PRKG1: variants seen among roughly 807,000 people sequenced by gnomAD.
PRKG1 encodes protein kinase cGMP-dependent 1.
Under a neutral mutation model 88.1 loss-of-function variants are expected in PRKG1, and 35 were observed. The observed-to-expected ratio is 0.40, with a 90% CI of 0.30 to 0.53. The LOEUF is 0.53. Among genes scored for constraint, PRKG1 ranks in the 20% least tolerant of loss-of-function variants. PRKG1 has a pLI of 0.59. For missense variants in PRKG1, 540 were observed against 839.8 expected (o/e 0.64, Z 4.41); for synonymous variants, 303 against 292.5 (o/e 1.04, Z -0.37).
chr10:52,282,014 C>A, intron 13 of PRKG1, 139 bp from the exon 14 acceptor site: 1 of 901,076 alleles, frequency 1.1e-6, no homozygotes, highest in Non-Finnish European at 1.6e-6. Flanking sequence ...GCAATATAGA[C>A]TATTCTTTTT....
intron 3 of PRKG1, among the ~76,000 whole-genome samples, chr10:51,502,873 C>T (rs1952138): frequency 0.16 from 23,930 of 152,116 alleles, 2,254 homozygotes; most frequent in Non-Finnish European, 0.22. Context: ...TTATCAGATC[C>T]TGATGCTTGG....
intron 2 of PRKG1, among the ~76,000 whole-genome samples, chr10:51,280,987 T>C (rs1269962594): frequency 6.6e-6 from 1 of 152,196 alleles, no homozygotes; most frequent in Non-Finnish European, 1.5e-5. Context: ...CCCCCATCTT[T>C]GTTGTTTTAT....
Position 51,987,313 on chromosome 10 carries a change from C to T in PRKG1, c.763-67171C>T, listed in dbSNP as rs190484723. Among the ~76,000 whole-genome samples, 207 of 150,428 alleles carry T rather than the reference C, an allele frequency of 1.4e-3. 1 individual carries two copies. The highest frequency in any genetic ancestry group is 4.7e-3 in the African/African-American group (192 of 40,978). On this transcript the variant is annotated intron_variant, in intron 5 of 17. Coordinates refer to ENST00000373980, the MANE Select transcript of PRKG1 (RefSeq NM_006258.4). ...TAGCACTTTTAATTAAAAAAAAATT[C>T]GAGGGTTATGTGGTTCAAGACAGAG...
chr10:51,711,524 T>C (rs1841751123), intron 3 of PRKG1, among the ~76,000 whole-genome samples: 1 of 152,254 alleles, frequency 6.6e-6, no homozygotes. Flanking sequence ...TAAGTGTGTA[T>C]GCTTCCTGTT....
chr10:52,061,839 T>A (rs1353993839), intron 6 of PRKG1, among the ~76,000 whole-genome samples: 1 of 152,122 alleles, frequency 6.6e-6, no homozygotes, highest in Admixed American at 6.5e-5. Flanking sequence ...AAGAAATCTT[T>A]ATGAAAATGA....
intron 2 of PRKG1, among the ~76,000 whole-genome samples, chr10:51,281,323 G>A (rs563320833): frequency 2.4e-3 from 358 of 152,278 alleles, no homozygotes; most frequent in African/African-American, 7.8e-3. Context: ...ACCCAGTTGA[G>A]GAGGCAGTCT....
chr10:51,034,752 A>C (rs1280302744), intron 1 of PRKG1, among the ~76,000 whole-genome samples: 1 of 144,396 alleles, frequency 6.9e-6, no homozygotes, highest in Non-Finnish European at 1.5e-5. Context: ...TTCAGAAAAA[A>C]ATATATTGAA....
intron 9 of PRKG1, among the ~76,000 whole-genome samples, chr10:52,190,033 G>A (rs1366488605): frequency 2.6e-5 from 4 of 152,126 alleles, no homozygotes; most frequent in African/African-American, 9.7e-5. Context: ...GTATCTATTT[G>A]CTATAAAATA....
At chr10:51,409,247 A>G (rs530514118) in intron 2 of PRKG1, among the ~76,000 whole-genome samples, 1 of 152,192 alleles carries the variant, frequency 6.6e-6, no homozygotes, top group Admixed American at 6.5e-5. Flanking sequence ...TCCTCTGTCA[A>G]CTGATCATAG....
intron 7 of PRKG1, among the ~76,000 whole-genome samples, chr10:52,130,230 G>A (rs533984961): frequency 6.6e-6 from 1 of 152,078 alleles, no homozygotes; most frequent in African/African-American, 2.4e-5. Context: ...CTGGCTTTAG[G>A]CCATACTTGT....
At chr10:52,011,719 G>A (rs1844883941) in intron 5 of PRKG1, among the ~76,000 whole-genome samples, 1 of 152,106 alleles carries the variant, frequency 6.6e-6, no homozygotes, top group Admixed American at 6.5e-5. Context: ...TCCATTTCTA[G>A]TCACCTCTTG....
intron 2 of PRKG1, among the ~76,000 whole-genome samples, chr10:51,436,221 A>G (rs866106589): frequency 3.3e-5 from 5 of 151,560 alleles, no homozygotes; most frequent in Middle Eastern, 6.8e-3. Flanking sequence ...GCAAGTCCAA[A>G]GTAATTATTG....
At chr10:51,804,288 A>G (rs534072769) in intron 3 of PRKG1, among the ~76,000 whole-genome samples, 56 of 152,218 alleles carry the variant, frequency 3.7e-4, no homozygotes, top group African/African-American at 1.3e-3. Flanking sequence ...TTTACAAAAT[A>G]CTTTCTATGT....
intron 1 of PRKG1, among the ~76,000 whole-genome samples, chr10:51,094,493 G>T (rs1382337040): frequency 6.6e-6 from 1 of 151,790 alleles, no homozygotes; most frequent in Non-Finnish European, 1.5e-5. Flanking sequence ...TAACATAAAT[G>T]CATAATTCTT....
chr10:51,222,678 T>C lies in PRKG1; in HGVS notation c.478+69348T>C, dbSNP rs149118219. The stretch of plus-strand genomic sequence containing the variant: ...AGTCTCATGGCTTTATGGTTCTAGA[T>C]ATAAGAATTATAGCACAGGGGTAGT... On this transcript the variant is annotated intron_variant, in intron 2 of 17. Transcript: ENST00000373980. Among the ~76,000 whole-genome samples, 462 of 152,282 alleles carry C rather than the reference T, an allele frequency of 3.0e-3. 1 individual carries two copies. Among genetic ancestry groups the C allele is most frequent in the African/African-American group, 0.01 (429 of 41,558 alleles).
chr10:51,470,764 C>G (rs561853581), intron 3 of PRKG1, among the ~76,000 whole-genome samples: 10 of 151,952 alleles, frequency 6.6e-5, no homozygotes, highest in Admixed American at 5.9e-4. Context: ...TACTAAAGCT[C>G]TAGATTGACA....
chr10:51,788,829 C>G (rs1838795430), intron 3 of PRKG1, among the ~76,000 whole-genome samples: 1 of 152,120 alleles, frequency 6.6e-6, no homozygotes, highest in South Asian at 2.1e-4. Context: ...AGGAGAGTTA[C>G]AGCAGGGGGC....
chr10:51,829,788 G>T (rs1839960039), intron 4 of PRKG1, among the ~76,000 whole-genome samples: 1 of 152,090 alleles, frequency 6.6e-6, no homozygotes, highest in Non-Finnish European at 1.5e-5. Context: ...CAACTTTTTA[G>T]TCTGTTTGGA....
chr10:52,082,729 T>C (rs764446340), intron 7 of PRKG1, among the ~76,000 whole-genome samples: 1 of 152,122 alleles, frequency 6.6e-6, no homozygotes, highest in Non-Finnish European at 1.5e-5. Context: ...TGCCTGCCCA[T>C]TTATCCAAAA....
Sources: gnomAD v4.1 joint callset for allele counts (sites outside exome capture counted in the v4.1 genomes callset) on GRCh38, gnomAD v4.1.1 for gene constraint, MANE v1.5 for transcripts, NCBI Gene and HGNC (gene_info 2026-07-23, HGNC 2026-07-21) for gene names.